PCDHA4: variants seen among roughly 807,000 people sequenced by gnomAD.
PCDHA4 encodes the protein protocadherin alpha 4, also known as protocadherin alpha-4.
In PCDHA4, 49 loss-of-function variants were observed where a neutral mutation model predicts 61.4. That is an observed-to-expected ratio of 0.80 (90% CI 0.63 to 1.01). PCDHA4 has a LOEUF of 1.01. Ranked by LOEUF, PCDHA4 falls within the 50% of genes least tolerant of loss-of-function variation. The pLI, the probability that PCDHA4 is intolerant of heterozygous loss-of-function variation, is 0.00. For synonymous variants in PCDHA4, 590 were observed against 550.3 expected, an observed-to-expected ratio of 1.07 and a Z score of -1.01; for missense variants, 1,254 against 1,235.8, an observed-to-expected ratio of 1.01 and a Z score of -0.22.
chr5:140,825,383 AATAT>A (rs1355293929), intron 1 of PCDHA4: 2 of 143,660 alleles, frequency 1.4e-5, no homozygotes, highest in Non-Finnish European at 3.0e-5. Context: ...TAAAATATCT[AATAT>A]ATATCTAATA....
rs1763937265 is a variant in PCDHA4, at chr5:140,807,455, A to C, written c.268A>C (p.Ile90Leu). ...QNGILFVNSR[I>L]DREELCRRSA... ...TGGCATTTTGTTTGTGAATTCTCGG[A>C]TCGACCGGGAGGAGCTGTGCCGGCG... The change falls in exon 1 of 4, where the codon ATC becomes CTC. Residue 90 changes from isoleucine (I) to leucine (L), a missense_variant. Ile to Leu is a conservative substitution (Grantham distance 5). Coordinates refer to ENST00000530339, the MANE Select transcript of PCDHA4 (RefSeq NM_018907.4). 1 of 1,607,604 alleles carries C rather than the reference A, an allele frequency of 6.2e-7. No homozygotes were observed.
chr5:140,884,762 A>C, intron 1 of PCDHA4: 1 of 1,423,132 alleles, frequency 7.0e-7, no homozygotes, highest in Non-Finnish European at 9.2e-7. Flanking sequence ...ATTATTCTTT[A>C]CTTTAATTTT....
rs142720081 is a variant in PCDHA4, at chr5:141,009,771, T to G, written c.2678T>G (p.Ile893Ser). 1 of 1,614,082 alleles carries G rather than the reference T, an allele frequency of 6.2e-7. No individual in the cohort carries two copies. The change falls in exon 4 of 4, where the codon ATC becomes AGC. Residue 893 changes from isoleucine to serine, a missense_variant. Physicochemically the swap from Ile to Ser is moderately radical, Grantham distance 142. Transcript: ENST00000530339. ...DKFIIPGSPA[I>S]ISIRQEPTNS... ...TTCATTATCCCAGGATCTCCTGCAA[T>G]CATCTCCATCCGGCAGGAGCCTACT...
chr5:140,943,558 A>T (rs1328715238), intron 1 of PCDHA4, among the ~76,000 whole-genome samples: 1 of 152,194 alleles, frequency 6.6e-6, no homozygotes, highest in Non-Finnish European at 1.5e-5. Flanking sequence ...GTAGACAATA[A>T]TCATTTTAAT....
At chr5:140,877,681 C>T (rs1554169975) in intron 1 of PCDHA4, 2 of 1,613,678 alleles carry the variant, frequency 1.2e-6, no homozygotes, top group Non-Finnish European at 1.7e-6. Context: ...GCCGGGCAAG[C>T]CCACGCTGGT....
chr5:140,994,667 T>G (rs2097644091), intron 3 of PCDHA4, among the ~76,000 whole-genome samples: 1 of 152,140 alleles, frequency 6.6e-6, no homozygotes, highest in Non-Finnish European at 1.5e-5. Flanking sequence ...ATCACACTAC[T>G]GCACTCCAGC....
chr5:140,915,488 C>T (rs2077146969), intron 1 of PCDHA4, among the ~76,000 whole-genome samples: 1 of 152,126 alleles, frequency 6.6e-6, no homozygotes, highest in Non-Finnish European at 1.5e-5. Flanking sequence ...GGGCCTCAAT[C>T]CCAATAATAC....
At chr5:141,008,426 C>T (rs2098375902) in intron 3 of PCDHA4, among the ~76,000 whole-genome samples, 1 of 152,170 alleles carries the variant, frequency 6.6e-6, no homozygotes, top group Non-Finnish European at 1.5e-5. Flanking sequence ...ACTGGGATCA[C>T]TTTGCCCAGA....
chr5:140,892,310 A>AT (rs1422110989), intron 1 of PCDHA4, among the ~76,000 whole-genome samples: 1 of 152,230 alleles, frequency 6.6e-6, no homozygotes, highest in Non-Finnish European at 1.5e-5. Flanking sequence ...TTTGGGGCTT[A>AT]TAACATTTTC....
Position 140,835,755 on chromosome 5 carries a change from C to T in PCDHA4, c.2385+26183C>T, listed in dbSNP as rs2150244114. Reference sequence around the variant, plus strand: ...CGACAACGCCCCGGCGTTCGCGCAGCCCGAGTATACGGTGTTCGTGAAGGA... The same window carrying T: ...CGACAACGCCCCGGCGTTCGCGCAGTCCGAGTATACGGTGTTCGTGAAGGA... On this transcript the variant is annotated intron_variant, in intron 1 of 3. Coordinates refer to ENST00000530339, the MANE Select transcript of PCDHA4 (RefSeq NM_018907.4). 3.7e-6 allele frequency: 6 copies of T among 1,613,528 alleles called. No homozygotes were observed. Among genetic ancestry groups the T allele is most frequent in the Admixed American group, 3.3e-5 (2 of 60,022 alleles).
chr5:140,967,279 T>C, intron 1 of PCDHA4: 1 of 1,613,002 alleles, frequency 6.2e-7, no homozygotes, highest in South Asian at 1.1e-5. Context: ...ACATAGAGAG[T>C]GCGCAGGACC....
chr5:140,928,843 A>T (rs782153694), intron 1 of PCDHA4: 3 of 1,614,018 alleles, frequency 1.9e-6, no homozygotes, highest in Non-Finnish European at 2.5e-6. Flanking sequence ...CTCCTCTGTC[A>T]CTCTGGGTGT....
chr5:140,973,178 G>A (rs188308697), intron 1 of PCDHA4, among the ~76,000 whole-genome samples: 1 of 152,282 alleles, frequency 6.6e-6, no homozygotes, highest in Admixed American at 6.5e-5. Flanking sequence ...CAAACCTTCA[G>A]TTATTTCTGC....
chr5:140,834,632 T>C (rs1424749324), intron 1 of PCDHA4: 7 of 1,613,948 alleles, frequency 4.3e-6, no homozygotes, highest in African/African-American at 2.7e-5. Context: ...AGAATGGCAT[T>C]TTGTTTGTGA....
At chr5:140,824,610 G>GTTTTTTTTTTTTTTTTTTTTTTTTTTTTT (rs782443702) in intron 1 of PCDHA4, 2 of 95,104 alleles carry the variant, frequency 2.1e-5, no homozygotes, top group Non-Finnish European at 3.8e-5. Context: ...GCTAATTAAA[G>GTTTTTTTTTTTTTTTTTTTTTTTTTTTTT]TTTTTTTTTT....
intron 1 of PCDHA4, chr5:140,852,757 G>T (rs1243910073): frequency 9.2e-6 from 9 of 983,578 alleles, no homozygotes; most frequent in Admixed American, 1.3e-4. Context: ...TTGGACCCAG[G>T]TATCTGATTA....
chr5:141,007,275 T>C (rs1418814264), intron 3 of PCDHA4, among the ~76,000 whole-genome samples: 2 of 151,338 alleles, frequency 1.3e-5, no homozygotes, highest in Non-Finnish European at 2.9e-5. Context: ...ACAGGCTGGG[T>C]GCAGTGGGCT....
intron 1 of PCDHA4, chr5:140,869,991 A>G (rs1554163685): frequency 1.9e-6 from 3 of 1,613,542 alleles, no homozygotes; most frequent in Non-Finnish European, 2.5e-6. Flanking sequence ...CACTAGATCA[A>G]AATAATGGAG....
At chr5:140,955,458 T>C (rs246018) in intron 1 of PCDHA4, among the ~76,000 whole-genome samples, 85,567 of 151,850 alleles carry the variant, frequency 0.56, 24,724 homozygotes, top group African/African-American at 0.69. Flanking sequence ...AAGGGCTTTT[T>C]CCTTTTTGCT....
Sources: gnomAD v4.1 joint callset for allele counts (sites outside exome capture counted in the v4.1 genomes callset) on GRCh38, gnomAD v4.1.1 for gene constraint, MANE v1.5 for transcripts, NCBI Gene and HGNC (gene_info 2026-07-23, HGNC 2026-07-21) for gene names.